Variants in STK33 observed in about 807,000 individuals in gnomAD.
STK33 encodes serine/threonine kinase 33.
STK33 carries 52 observed loss-of-function variants against 58.0 expected under a neutral mutation model. The observed-to-expected ratio is 0.90, with a 90% CI of 0.72 to 1.13. STK33 has a LOEUF of 1.13. Among genes scored for constraint, STK33 ranks in the 50% most tolerant of loss-of-function variants. The probability of loss-of-function intolerance (pLI) is 0.00; values close to 1 mark genes in which losing one functional copy is unlikely to be tolerated. For missense variants in STK33, 630 were observed against 604.2 expected, an observed-to-expected ratio of 1.04 and a Z score of -0.45; for synonymous variants, 215 against 200.1, an observed-to-expected ratio of 1.07 and a Z score of -0.63.
At chr11:8,423,863 T>A (rs1004266303) in intron 14 of STK33, among the ~76,000 whole-genome samples, 1 of 152,102 alleles carries the variant, frequency 6.6e-6, no homozygotes, top group African/African-American at 2.4e-5. Flanking sequence ...TTGATATATA[T>A]TTAAGGTTAT....
chr11:8,428,403 C>G (rs1327286819), intron 14 of STK33, among the ~76,000 whole-genome samples: 1 of 152,202 alleles, frequency 6.6e-6, no homozygotes, highest in Non-Finnish European at 1.5e-5. Flanking sequence ...GCAGCCTCAC[C>G]CACTATCCAT....
intron 1 of STK33, among the ~76,000 whole-genome samples, chr11:8,586,757 G>A (rs1325574190): frequency 6.6e-6 from 1 of 150,482 alleles, no homozygotes; most frequent in Non-Finnish European, 1.5e-5. Context: ...CCGGGAGGTG[G>A]AGGTTGCAGT....
At chr11:8,396,976 G>C (rs1236314208) in intron 15 of STK33, among the ~76,000 whole-genome samples, 3 of 152,214 alleles carry the variant, frequency 2.0e-5, no homozygotes, top group Non-Finnish European at 4.4e-5. Flanking sequence ...AGCTCGAACT[G>C]GGTGGAGCCC....
At chr11:8,564,084 T>G (rs1957292793) in intron 1 of STK33, among the ~76,000 whole-genome samples, 1 of 152,178 alleles carries the variant, frequency 6.6e-6, no homozygotes, top group Admixed American at 6.5e-5. Context: ...AGTGGCATAA[T>G]CAGATTTTTA....
intron 7 of STK33, among the ~76,000 whole-genome samples, chr11:8,462,472 C>CACATATATATATAT (rs541126483): frequency 1.4e-5 from 2 of 141,870 alleles, no homozygotes; most frequent in African/African-American, 5.3e-5. Flanking sequence ...CACACACACA[C>CACATATATATATAT]ATATATATAT....
At chr11:8,464,584 G>A (rs1004650085) in intron 7 of STK33, 125 bp downstream of exon 7, 10 of 521,280 alleles carry the variant, frequency 1.9e-5, no homozygotes, top group African/African-American at 1.5e-4. Flanking sequence ...GCTTCTCTGG[G>A]GGATCAGCCC....
intron 1 of STK33, among the ~76,000 whole-genome samples, chr11:8,525,228 A>G (rs144639720): frequency 2.0e-5 from 3 of 152,290 alleles, no homozygotes; most frequent in African/African-American, 7.2e-5. Context: ...AAACTCCAAT[A>G]GGTGTGTATA....
At chr11:8,485,507 T>C (rs1332424654) in intron 1 of STK33, among the ~76,000 whole-genome samples, 1 of 152,196 alleles carries the variant, frequency 6.6e-6, no homozygotes, top group Non-Finnish European at 1.5e-5. Flanking sequence ...ATTGCAAAAA[T>C]GTTCTATTGG....
chr11:8,448,442 C>T (rs370195459), intron 11 of STK33, among the ~76,000 whole-genome samples: 1 of 152,068 alleles, frequency 6.6e-6, no homozygotes. Context: ...GAGATATAGA[C>T]CAATGGAACA....
chr11:8,462,976 C>T, intron 7 of STK33, among the ~76,000 whole-genome samples: 1 of 152,102 alleles, frequency 6.6e-6, no homozygotes. Context: ...TGGGAGAGTA[C>T]ATAATGGTTC....
chr11:8,577,529 T>C (rs1234284568), intron 1 of STK33, among the ~76,000 whole-genome samples: 1 of 152,146 alleles, frequency 6.6e-6, no homozygotes, highest in Non-Finnish European at 1.5e-5. Flanking sequence ...TCCTTGAGCT[T>C]GTTTATCTGG....
intron 15 of STK33, among the ~76,000 whole-genome samples, chr11:8,411,223 G>C (rs150933774): frequency 1.5e-3 from 233 of 152,298 alleles, no homozygotes; most frequent in African/African-American, 5.5e-3. Context: ...TGAGAAACAA[G>C]ATATACATGA....
At chr11:8,416,642 T>A (rs1392331659) in intron 14 of STK33, among the ~76,000 whole-genome samples, 1 of 152,202 alleles carries the variant, frequency 6.6e-6, no homozygotes, top group Non-Finnish European at 1.5e-5. Flanking sequence ...ATCTTTCAAA[T>A]GCCTGGTTCA....
At chr11:8,374,719 G>A in the STK33 span, among the ~76,000 whole-genome samples, 9 of 152,312 alleles carry the variant, frequency 5.9e-5, no homozygotes, top group East Asian at 1.5e-3. Context: ...TAATTTGGAG[G>A]AGGGGACACA....
intron 1 of STK33, among the ~76,000 whole-genome samples, chr11:8,490,697 G>A (rs1399843176): frequency 6.6e-6 from 1 of 152,108 alleles, no homozygotes; most frequent in Non-Finnish European, 1.5e-5. Context: ...ACAGGCAGGT[G>A]CCCCTCTGGA....
At chr11:8,473,626 C>G (rs1398207706) in intron 5 of STK33, among the ~76,000 whole-genome samples, 2 of 152,162 alleles carry the variant, frequency 1.3e-5, no homozygotes, top group Admixed American at 6.5e-5. Flanking sequence ...CAACCATTAT[C>G]AAACAGCTTA....
intron 1 of STK33, among the ~76,000 whole-genome samples, chr11:8,587,285 T>C (rs1203208411): frequency 6.6e-6 from 1 of 152,228 alleles, no homozygotes; most frequent in Non-Finnish European, 1.5e-5. Flanking sequence ...CTAGTATTTA[T>C]TGAAGGGCTA....
intron 1 of STK33, among the ~76,000 whole-genome samples, chr11:8,523,379 A>G (rs1953685313): frequency 7.4e-6 from 1 of 135,740 alleles, no homozygotes. Context: ...ATCGTCTGGG[A>G]TGTGGGAAGC....
At chr11:8,499,712 C>T (rs1951359677) in intron 1 of STK33, among the ~76,000 whole-genome samples, 2 of 152,134 alleles carry the variant, frequency 1.3e-5, no homozygotes, top group South Asian at 2.1e-4. Context: ...AAATGTGGCA[C>T]ATATACACCA....
Sources: allele counts gnomAD v4.1 joint callset (sites outside exome capture counted in the v4.1 genomes callset), GRCh38; gene constraint gnomAD v4.1.1; transcripts MANE v1.5; gene names NCBI Gene and HGNC (gene_info 2026-07-23, HGNC 2026-07-21).